TBX15: variants seen among roughly 807,000 people sequenced by gnomAD.
The protein encoded by TBX15 is T-box transcription factor 15.
A neutral mutation model predicts 53.9 loss-of-function variants in TBX15; 18 were observed. The observed-to-expected ratio is 0.33, with a 90% CI of 0.23 to 0.49. The LOEUF (loss-of-function observed/expected upper bound fraction) is 0.49, where lower values mean the gene tolerates loss of function less well. Among genes scored for constraint, TBX15 ranks in the 20% least tolerant of loss-of-function variants. The pLI is 0.98. For synonymous variants in TBX15, 295 were observed against 278.0 expected, an observed-to-expected ratio of 1.06 and a Z score of -0.61; for missense variants, 692 against 749.5, an observed-to-expected ratio of 0.92 and a Z score of 0.90.
intron 1 of TBX15, among the ~76,000 whole-genome samples, chr1:118,933,771 G>C (rs1012862117): frequency 6.6e-6 from 1 of 151,956 alleles, no homozygotes; most frequent in Admixed American, 6.6e-5. Flanking sequence ...CACTTATCAT[G>C]AATACTGTAA....
rs1403780483 is a variant in TBX15, at chr1:118,977,656, A to G, written c.205+9935T>C. Among the ~76,000 whole-genome samples the G allele has an allele frequency of 2.0e-5, 3 of 152,222 alleles. No individual in the cohort carries two copies. The East Asian group carries it at 5.8e-4, about 29-fold the overall frequency. The stretch of plus-strand genomic sequence containing the variant: ...ACTCTGTAAGGAAATAAAGTCCTAC[A>G]GATAGAAACACTAGAAACCCTCCTA... On this transcript the variant is annotated intron_variant, in intron 1 of 7. Transcript: ENST00000369429.
intron 1 of TBX15, among the ~76,000 whole-genome samples, chr1:118,964,509 A>G (rs1335461244): frequency 6.6e-6 from 1 of 152,232 alleles, no homozygotes; most frequent in Admixed American, 6.5e-5. Context: ...ACCCAGCCTA[A>G]GCTCATAACC....
At chr1:118,940,247 T>C (rs971762900) in intron 1 of TBX15, among the ~76,000 whole-genome samples, 5 of 151,946 alleles carry the variant, frequency 3.3e-5, no homozygotes, top group South Asian at 2.1e-4. Flanking sequence ...AGGGCAGTTA[T>C]ATTCAGGAAT....
intron 7 of TBX15, 122 bp from the exon 8 acceptor site, chr1:118,885,638 C>T: frequency 8.1e-7 from 1 of 1,230,540 alleles, no homozygotes; most frequent in Admixed American, 2.0e-5. Context: ...TTTTACAGAA[C>T]CATTTTTCCT....
chr1:118,900,116 A>T (rs1222925386), intron 6 of TBX15, among the ~76,000 whole-genome samples: 3 of 149,192 alleles, frequency 2.0e-5, no homozygotes, highest in Non-Finnish European at 3.0e-5. Context: ...ATCTTTCTTT[A>T]AAAAAAAAAC....
At chr1:118,939,437 C>CAAAAAAAAAAAAAA (rs869077887) in intron 1 of TBX15, among the ~76,000 whole-genome samples, 1 of 84,678 alleles carries the variant, frequency 1.2e-5, no homozygotes, top group Non-Finnish European at 2.2e-5. Flanking sequence ...AAAAAAAAAA[C>CAAAAAAAAAAAAAA]AAAAACAGGA....
Sources: gnomAD v4.1 joint callset for allele counts (sites outside exome capture counted in the v4.1 genomes callset) on GRCh38, gnomAD v4.1.1 for gene constraint, MANE v1.5 for transcripts, NCBI Gene and HGNC (gene_info 2026-07-23, HGNC 2026-07-21) for gene names.